The following PLEK variants were observed in gnomAD, a reference collection of about 807,000 sequenced individuals.
PLEK encodes the protein pleckstrin.
In PLEK, 25 loss-of-function variants were observed where a neutral mutation model predicts 43.9. That is an observed-to-expected ratio of 0.57 (90% CI 0.41 to 0.79). PLEK has a LOEUF of 0.79. Ranked by LOEUF, PLEK falls within the 30% of genes least tolerant of loss-of-function variation. The pLI is 0.00. For missense variants in PLEK, 396 were observed against 413.3 expected (o/e 0.96, Z 0.36); for synonymous variants, 152 against 144.4 (o/e 1.05, Z -0.38).
Position 68,369,761 on chromosome 2 carries a change from T to A in PLEK, c.42+4368T>A, listed in dbSNP as rs1465962809. On this transcript the variant is annotated intron_variant, in intron 1 of 8. Transcript: ENST00000234313. ...GCTTGGAAAAATTAAATAAGTTACC[T>A]AAGGTTACAGAGCCTGGAAGAGGCA... 2.0e-5 allele frequency among the ~76,000 whole-genome samples: 3 copies of A among 152,170 alleles called. No homozygotes were observed. The East Asian group carries it at 5.8e-4, about 29-fold the overall frequency.
chr2:68,372,795 T>C, intron 1 of PLEK, among the ~76,000 whole-genome samples: 1 of 152,128 alleles, frequency 6.6e-6, no homozygotes, highest in South Asian at 2.1e-4. Flanking sequence ...CTAAGTGGTC[T>C]AAAGAAATCG....
rs1673374540 is a variant in PLEK, at chr2:68,370,331, T to C, written c.42+4938T>C. ...TGCCCCAACCCTCAGCCATTGGTTG[T>C]AGCTTCTTTCTGTGATGCTGGGTGT... On this transcript the variant is annotated intron_variant, in intron 1 of 8. Coordinates refer to ENST00000234313, the MANE Select transcript of PLEK (RefSeq NM_002664.3). 2.0e-5 allele frequency among the ~76,000 whole-genome samples: 3 copies of C among 152,328 alleles called. No homozygotes were observed. In the South Asian group the frequency reaches 6.2e-4, roughly 32 times the overall value.
At chr2:68,393,327 C>T (rs896893803) in intron 7 of PLEK, 82 bp downstream of exon 7, 6 of 933,684 alleles carry the variant, frequency 6.4e-6, no homozygotes, top group Non-Finnish European at 8.8e-6. Flanking sequence ...CCCCTCTCTA[C>T]TCTGTTGATA....
rs1023626914 is a variant in PLEK, at chr2:68,382,747, A to T, written c.472+114A>T. 1.4e-5 allele frequency: 9 copies of T among 630,166 alleles called. No homozygotes were observed. In the Admixed American group the frequency reaches 1.7e-4, roughly 12 times the overall value. 39.0% of individuals were successfully genotyped at this position (630,166 alleles called of 1,614,324 possible). A position where few individuals can be genotyped will look rare whatever the true frequency, so the allele number is the denominator to read the frequency against. ...GTATGGGGGTTGGAAGGGGTCCCAG[A>T]ATGCAGCCTGGTGAGCCTGAGGATG... On this transcript the variant is annotated intron_variant, in intron 4 of 8. Coordinates refer to ENST00000234313, the MANE Select transcript of PLEK (RefSeq NM_002664.3).
At chr2:68,385,801 C>T (rs1318141887) in intron 4 of PLEK, among the ~76,000 whole-genome samples, 1 of 152,198 alleles carries the variant, frequency 6.6e-6, no homozygotes, top group Non-Finnish European at 1.5e-5. Context: ...TCACCTCCTT[C>T]ACCTCTTTCA....
chr2:68,372,067 A>C (rs1673419537), intron 1 of PLEK, among the ~76,000 whole-genome samples: 1 of 152,176 alleles, frequency 6.6e-6, no homozygotes, highest in Non-Finnish European at 1.5e-5. Flanking sequence ...ATTGGTTCTA[A>C]AGTGTTTAAA....
chr2:68,389,414 G>C (rs575474563), intron 6 of PLEK, among the ~76,000 whole-genome samples: 1 of 152,298 alleles, frequency 6.6e-6, no homozygotes, highest in South Asian at 2.1e-4. Flanking sequence ...ACTGTCTATA[G>C]GCTCCACGGG....
At chr2:68,395,031 A>G (rs1573083681) in intron 8 of PLEK, among the ~76,000 whole-genome samples, 1 of 151,802 alleles carries the variant, frequency 6.6e-6, no homozygotes, top group Non-Finnish European at 1.5e-5. Flanking sequence ...TCTTTATTTG[A>G]TTTGTGATGT....
chr2:68,383,801 A>G (rs1468943082), intron 4 of PLEK, among the ~76,000 whole-genome samples: 3 of 152,204 alleles, frequency 2.0e-5, no homozygotes, highest in Non-Finnish European at 4.4e-5. Context: ...CAGATAATCC[A>G]TGAAATTGGT....
At chr2:68,369,606 G>A (rs989395020) in intron 1 of PLEK, among the ~76,000 whole-genome samples, 7 of 151,228 alleles carry the variant, frequency 4.6e-5, no homozygotes, top group East Asian at 1.9e-4. Context: ...TTCTATGGTC[G>A]CCATTTTTCA....
intron 1 of PLEK, 171 bp downstream of exon 1, chr2:68,365,564 G>A (rs1203206641): frequency 6.8e-6 from 4 of 588,300 alleles, no homozygotes; most frequent in South Asian, 3.8e-5. Flanking sequence ...AGGGGAGTGG[G>A]GATACTCATC....
At chr2:68,367,920 C>T (rs1673315839) in intron 1 of PLEK, among the ~76,000 whole-genome samples, 1 of 152,212 alleles carries the variant, frequency 6.6e-6, no homozygotes, top group South Asian at 2.1e-4. Flanking sequence ...TAACAGAGAA[C>T]ATCTTTGTCC....
intron 1 of PLEK, among the ~76,000 whole-genome samples, chr2:68,379,843 G>A (rs763787659): frequency 6.6e-6 from 1 of 152,166 alleles, no homozygotes; most frequent in Non-Finnish European, 1.5e-5. Flanking sequence ...ATGAACCAAG[G>A]AAAGTACCTG....
intron 1 of PLEK, among the ~76,000 whole-genome samples, chr2:68,369,917 T>TA (rs931588405): frequency 9.2e-5 from 14 of 152,342 alleles, no homozygotes; most frequent in African/African-American, 3.4e-4. Flanking sequence ...TTCACTTATG[T>TA]AAAAAATATG....
intron 4 of PLEK, among the ~76,000 whole-genome samples, chr2:68,383,484 AGCAGAGGATGGGCCAGG>A (rs1673674573): frequency 6.6e-6 from 1 of 150,826 alleles, no homozygotes; most frequent in African/African-American, 2.5e-5. Flanking sequence ...GCAGAGGATG[AGCAGAGGATGGGCCAGG>A]GCAGAGGATG....
At chr2:68,378,049 A>G (rs1182031500) in intron 1 of PLEK, among the ~76,000 whole-genome samples, 1 of 152,218 alleles carries the variant, frequency 6.6e-6, no homozygotes, top group Non-Finnish European at 1.5e-5. Flanking sequence ...ACATGTGTAT[A>G]CATATGTATT....
At chr2:68,369,356 C>T (rs1188960067) in intron 1 of PLEK, among the ~76,000 whole-genome samples, 1 of 152,140 alleles carries the variant, frequency 6.6e-6, no homozygotes, top group Non-Finnish European at 1.5e-5. Context: ...TAACCACTTT[C>T]TATGTGGCCC....
intron 1 of PLEK, among the ~76,000 whole-genome samples, chr2:68,372,177 A>ATTTTTTTTTTTTTTTTT (rs57326035): frequency 6.7e-6 from 1 of 148,362 alleles, no homozygotes. Flanking sequence ...AGAGAAGTTC[A>ATTTTTTTTTTTTTTTTT]TTTTTTTTTT....
At chr2:68,369,233 G>C (rs1286760133) in intron 1 of PLEK, among the ~76,000 whole-genome samples, 2 of 152,200 alleles carry the variant, frequency 1.3e-5, no homozygotes, top group Non-Finnish European at 2.9e-5. Context: ...TTACTTAACA[G>C]ATAAGGAGAT....
Sources: gnomAD v4.1 joint callset for allele counts (sites outside exome capture counted in the v4.1 genomes callset) on GRCh38, gnomAD v4.1.1 for gene constraint, MANE v1.5 for transcripts, NCBI Gene and HGNC (gene_info 2026-07-23, HGNC 2026-07-21) for gene names.